ZNF423: variants seen among roughly 807,000 people sequenced by gnomAD.
ZNF423 encodes the protein Ebf-associated zinc finger protein.
ZNF423 carries 12 observed loss-of-function variants against 95.8 expected under a neutral mutation model. The ratio of observed to expected loss-of-function variants is 0.13; its 90% CI spans 0.08 to 0.20. The LOEUF is 0.20. Ranked by LOEUF, ZNF423 falls within the 10% of genes least tolerant of loss-of-function variation. ZNF423 has a pLI of 1.00. For missense variants in ZNF423, 1,316 were observed against 1,737.1 expected (o/e 0.76, Z 4.31); for synonymous variants, 749 against 711.9 (o/e 1.05, Z -0.83).
chr16:49,629,428 C>A (rs1567514100), intron 4 of ZNF423, among the ~76,000 whole-genome samples: 1 of 152,174 alleles, frequency 6.6e-6, no homozygotes, highest in East Asian at 1.9e-4. Context: ...TTCCCTCTTT[C>A]CACCCACACC....
chr16:49,601,557 A>T (rs1399960014), intron 5 of ZNF423, among the ~76,000 whole-genome samples: 1 of 151,916 alleles, frequency 6.6e-6, no homozygotes, highest in African/African-American at 2.4e-5. Context: ...CCAGAAGGGG[A>T]GTGACTTGTT....
chr16:49,804,724 A>G, intron 1 of ZNF423, among the ~76,000 whole-genome samples: 1 of 152,140 alleles, frequency 6.6e-6, no homozygotes, highest in Non-Finnish European at 1.5e-5. Flanking sequence ...TCAAATCCCA[A>G]TCCACCATAT....
chr16:49,731,107 T>TA, intron 2 of ZNF423, 136 bp from the exon 3 acceptor site: 1 of 1,014,682 alleles, frequency 9.9e-7, no homozygotes, highest in Non-Finnish European at 1.4e-6. Context: ...CACCTCTCAG[T>TA]ATATTAATAG....
chr16:49,605,030 C>G (rs1596705791), intron 5 of ZNF423, among the ~76,000 whole-genome samples: 1 of 152,208 alleles, frequency 6.6e-6, no homozygotes, highest in African/African-American at 2.4e-5. Flanking sequence ...GTATTGGCTT[C>G]CATGCCCATA....
intron 5 of ZNF423, among the ~76,000 whole-genome samples, chr16:49,605,806 C>T (rs2151837135): frequency 6.6e-6 from 1 of 152,276 alleles, no homozygotes; most frequent in East Asian, 1.9e-4. Context: ...GTGTCAGTTG[C>T]AGCTTGCTGA....
At chr16:49,762,275 G>A (rs1191849860) in intron 2 of ZNF423, among the ~76,000 whole-genome samples, 3 of 152,186 alleles carry the variant, frequency 2.0e-5, no homozygotes, top group South Asian at 2.1e-4. Context: ...CATGGTGCAC[G>A]TCCCCCAGCG....
chr16:49,639,806 C>T (rs1473656834), intron 3 of ZNF423, among the ~76,000 whole-genome samples: 1 of 152,184 alleles, frequency 6.6e-6, no homozygotes, highest in Admixed American at 6.5e-5. Context: ...GCCCCCACAA[C>T]CCCCCTCGTT....
At chr16:49,846,296 T>A (rs2035245018) in intron 1 of ZNF423, among the ~76,000 whole-genome samples, 1 of 101,254 alleles carries the variant, frequency 9.9e-6, no homozygotes. Flanking sequence ...CAAGACTCTG[T>A]CTCAAAAAAA....
intron 5 of ZNF423, among the ~76,000 whole-genome samples, chr16:49,553,225 G>C (rs1347191406): frequency 1.3e-5 from 2 of 152,114 alleles, no homozygotes; most frequent in East Asian, 3.8e-4. Flanking sequence ...AAGGGTTAGA[G>C]GTACTACCTG....
intron 2 of ZNF423, among the ~76,000 whole-genome samples, chr16:49,783,617 T>C (rs2143788831): frequency 1.4e-5 from 1 of 68,996 alleles, no homozygotes; most frequent in East Asian, 4.4e-4. Context: ...AAGGCTGGGA[T>C]TGGCGGGAGA....
chr16:49,763,908 C>T (rs946065222), intron 2 of ZNF423, among the ~76,000 whole-genome samples: 2 of 152,146 alleles, frequency 1.3e-5, no homozygotes, highest in Admixed American at 6.5e-5. Flanking sequence ...AAAGCATTTC[C>T]ATCACCATGT....
At chr16:49,681,437 T>C (rs1320996068) in intron 3 of ZNF423, among the ~76,000 whole-genome samples, 1 of 152,210 alleles carries the variant, frequency 6.6e-6, no homozygotes, top group African/African-American at 2.4e-5. Flanking sequence ...AAAACTCTCA[T>C]GTACTCACGC....
rs750033655 is a variant in ZNF423 at position 49,636,681 on chromosome 16, T to C, written c.2495A>G (p.Lys832Arg). 1.2e-6 allele frequency: 2 copies of C among 1,614,102 alleles called. No homozygotes were observed. Among genetic ancestry groups the C allele is most frequent in the South Asian group, 2.2e-5 (2 of 91,088 alleles). ...CACACAGTGCTTCTCCCGCAGGTGC[T>C]TCTCCAGCAGGATGATGGCGTGGAA... The part of the protein sequence containing the change: ...KAFHAIILLE[K>R]HLREKHCVFD... The change falls in exon 4 of 8, where the codon AAG (lysine) becomes AGG (arginine). Residue 832 changes from lysine to arginine, a missense_variant. Physicochemically the swap from Lys to Arg is conservative, Grantham distance 26. Coordinates refer to ENST00000563137, the MANE Select transcript of ZNF423 (RefSeq NM_001379286.1). This position sits in a 1 kb window ranked among gnomAD's most constrained non-coding sequence, Gnocchi z 8.6.
At chr16:49,831,024 G>A (rs975566697) in intron 1 of ZNF423, among the ~76,000 whole-genome samples, 5 of 152,108 alleles carry the variant, frequency 3.3e-5, no homozygotes, top group South Asian at 2.1e-4. Context: ...TCTCTGCACC[G>A]CTCCCTGCCA....
At chr16:49,844,862 T>C (rs7192018) in intron 1 of ZNF423, among the ~76,000 whole-genome samples, 108,746 of 151,430 alleles carry the variant, frequency 0.72, 39,158 homozygotes, top group South Asian at 0.79. Context: ...ATGGAGAAAC[T>C]CTGTCTCTAC....
At chr16:49,816,468 A>G (rs986493859) in intron 1 of ZNF423, among the ~76,000 whole-genome samples, 1 of 152,222 alleles carries the variant, frequency 6.6e-6, no homozygotes, top group Non-Finnish European at 1.5e-5. Flanking sequence ...TTAGTCAAAC[A>G]GTGCTCTCCC....
intron 3 of ZNF423, among the ~76,000 whole-genome samples, chr16:49,690,483 C>T (rs1309174952): frequency 6.6e-6 from 1 of 152,250 alleles, no homozygotes; most frequent in Non-Finnish European, 1.5e-5. Context: ...GATCGTGCCA[C>T]TGCACTTCAG....
chr16:49,799,747 G>A (rs1013929783), intron 1 of ZNF423, among the ~76,000 whole-genome samples: 1 of 152,120 alleles, frequency 6.6e-6, no homozygotes, highest in East Asian at 1.9e-4. Context: ...GTGTAAAATA[G>A]GACAATGAGT....
intron 5 of ZNF423, among the ~76,000 whole-genome samples, chr16:49,532,987 G>C (rs1031294475): frequency 1.3e-5 from 2 of 152,154 alleles, no homozygotes; most frequent in Admixed American, 1.3e-4. Flanking sequence ...GCATGGGCAC[G>C]TGGGTGTGGG....
Sources: allele counts gnomAD v4.1 joint callset (sites outside exome capture counted in the v4.1 genomes callset), GRCh38; gene constraint gnomAD v4.1.1; non-coding constraint Gnocchi (gnomAD v3.1); transcripts MANE v1.5; gene names NCBI Gene and HGNC (gene_info 2026-07-23, HGNC 2026-07-21).